The following PDE1C variants were observed in gnomAD, a reference collection of about 807,000 sequenced individuals.
PDE1C encodes phosphodiesterase 1C.
In PDE1C, 62 loss-of-function variants were observed where a neutral mutation model predicts 93.1. That is an observed-to-expected ratio of 0.67 (90% CI 0.54 to 0.82). The LOEUF (loss-of-function observed/expected upper bound fraction) is 0.82, where lower values mean the gene tolerates loss of function less well. PDE1C is among the 40% of genes least tolerant of loss of function. PDE1C has a pLI of 0.00. For synonymous variants in PDE1C, 325 were observed against 310.1 expected (o/e 1.05, Z -0.50); for missense variants, 742 against 884.6 (o/e 0.84, Z 2.04).
At chr7:31,677,458 A>G in the PDE1C span, among the ~76,000 whole-genome samples, 1 of 152,350 alleles carries the variant, frequency 6.6e-6, no homozygotes, top group East Asian at 1.9e-4. Flanking sequence ...GTCCTAAGTG[A>G]TTCCTCTTCC....
At chr7:32,031,426 T>C (rs1391389960) in intron 2 of PDE1C, among the ~76,000 whole-genome samples, 1 of 152,180 alleles carries the variant, frequency 6.6e-6, no homozygotes, top group Non-Finnish European at 1.5e-5. Flanking sequence ...AGCTGGAATC[T>C]AAACTCCAGG....
chr7:31,989,715 T>C (rs1783923077), intron 2 of PDE1C, among the ~76,000 whole-genome samples: 1 of 152,212 alleles, frequency 6.6e-6, no homozygotes, highest in African/African-American at 2.4e-5. Context: ...ATTGGTTAAC[T>C]GTCTTTTGCT....
intron 2 of PDE1C, among the ~76,000 whole-genome samples, chr7:31,933,487 C>G (rs185451002): frequency 6.6e-6 from 1 of 152,086 alleles, no homozygotes; most frequent in Non-Finnish European, 1.5e-5. Context: ...ATTTAAATAA[C>G]AGGTTTTTAC....
intron 1 of PDE1C, among the ~76,000 whole-genome samples, chr7:32,412,739 T>A (rs1054580818): frequency 3.3e-5 from 5 of 152,154 alleles, no homozygotes; most frequent in Non-Finnish European, 7.3e-5. Flanking sequence ...TATACAGTCA[T>A]ACAATGAAAT....
chr7:31,685,295 G>A, the PDE1C span, among the ~76,000 whole-genome samples: 1 of 152,270 alleles, frequency 6.6e-6, no homozygotes, highest in Admixed American at 6.5e-5. Context: ...CTATATAACG[G>A]CAAGATAAGG....
chr7:32,283,059 TCAA>T (rs1243868060), intron 1 of PDE1C, among the ~76,000 whole-genome samples: 3 of 152,178 alleles, frequency 2.0e-5, no homozygotes, highest in South Asian at 2.1e-4. Flanking sequence ...TTCTTTCTAC[TCAA>T]CAATTCCTAA....
chr7:31,852,869 T>C (rs887933432), intron 7 of PDE1C, among the ~76,000 whole-genome samples: 6 of 152,046 alleles, frequency 3.9e-5, no homozygotes, highest in African/African-American at 1.5e-4. Flanking sequence ...TTTTTCCATT[T>C]TGGCATTGTC....
chr7:31,679,085 T>C, the PDE1C span, among the ~76,000 whole-genome samples: 1 of 152,190 alleles, frequency 6.6e-6, no homozygotes, highest in African/African-American at 2.4e-5. Context: ...ATGCTTACTT[T>C]GTAAATATAG....
the PDE1C span, among the ~76,000 whole-genome samples, chr7:31,719,928 C>G: frequency 6.6e-6 from 1 of 151,882 alleles, no homozygotes; most frequent in Middle Eastern, 3.4e-3. Flanking sequence ...GTGGGGAGGC[C>G]GAGGCGGGTG....
the PDE1C span, chr7:31,707,707 T>C: frequency 1.2e-5 from 2 of 166,246 alleles, no homozygotes; most frequent in South Asian, 3.3e-4. Context: ...CTGTTGCCAG[T>C]TAGAGAGGTG....
chr7:31,836,674 G>A (rs1791153906), intron 11 of PDE1C, among the ~76,000 whole-genome samples: 1 of 152,112 alleles, frequency 6.6e-6, no homozygotes, highest in Non-Finnish European at 1.5e-5. Context: ...CTGGAACTTA[G>A]GATGGAGTGA....
intron 9 of PDE1C, among the ~76,000 whole-genome samples, chr7:31,839,945 G>C (rs1396640541): frequency 6.6e-6 from 1 of 152,210 alleles, no homozygotes; most frequent in Non-Finnish European, 1.5e-5. Flanking sequence ...GCTGAGACAG[G>C]AGAATTGCTT....
chr7:32,072,228 T>C (rs1796106083), upstream of PDE1C, among the ~76,000 whole-genome samples: 1 of 152,186 alleles, frequency 6.6e-6, no homozygotes. Flanking sequence ...GAGAAGGTAG[T>C]AACTCAAGGT....
chr7:32,196,896 G>GT (rs1418529491), intron 2 of PDE1C, among the ~76,000 whole-genome samples: 11 of 152,122 alleles, frequency 7.2e-5, no homozygotes, highest in African/African-American at 2.7e-4. Context: ...ATGATTTGTA[G>GT]GTTTTCAGTT....
intron 1 of PDE1C, among the ~76,000 whole-genome samples, chr7:32,267,586 A>ACTCTCTCTCTCTCTCTCTCTCT (rs57210713): frequency 2.9e-4 from 34 of 117,602 alleles, no homozygotes; most frequent in African/African-American, 1.1e-3. Context: ...ACACACACAC[A>ACTCTCTCTCTCTCTCTCTCTCT]CTCTCTCTCT....
chr7:32,124,817 G>C (rs1799484512), intron 3 of PDE1C, among the ~76,000 whole-genome samples: 1 of 152,188 alleles, frequency 6.6e-6, no homozygotes, highest in African/African-American at 2.4e-5. Flanking sequence ...CATGGGCAAA[G>C]ATTTCATGAT....
upstream of PDE1C, among the ~76,000 whole-genome samples, chr7:32,302,364 C>T (rs1263996704): frequency 2.0e-5 from 3 of 152,166 alleles, no homozygotes; most frequent in Non-Finnish European, 4.4e-5. Flanking sequence ...TTGTTTGATC[C>T]AGTCAATAGC....
chr7:32,318,330 C>T (rs1266945437), intron 1 of PDE1C, among the ~76,000 whole-genome samples: 1 of 152,146 alleles, frequency 6.6e-6, no homozygotes, highest in Admixed American at 6.5e-5. Flanking sequence ...CACCATGTTT[C>T]GAGGGGTTCC....
intron 2 of PDE1C, among the ~76,000 whole-genome samples, chr7:32,207,280 G>C (rs1348536683): frequency 6.6e-6 from 1 of 151,772 alleles, no homozygotes; most frequent in East Asian, 1.9e-4. Flanking sequence ...TTCCGTACTG[G>C]GCAACGCACA....
Sources: allele counts gnomAD v4.1 joint callset (sites outside exome capture counted in the v4.1 genomes callset), GRCh38; gene constraint gnomAD v4.1.1; transcripts MANE v1.5; gene names NCBI Gene and HGNC (gene_info 2026-07-23, HGNC 2026-07-21).